The following FBXW11 variants were observed in gnomAD, a reference collection of about 807,000 sequenced individuals.
FBXW11 encodes the protein F-box and WD repeat domain containing 11, also known as F-box/WD repeat-containing protein 11.
In FBXW11, 19 loss-of-function variants were observed where a neutral mutation model predicts 77.6. That is an observed-to-expected ratio of 0.24 (90% CI 0.17 to 0.36). The LOEUF (loss-of-function observed/expected upper bound fraction) is 0.36. FBXW11 is among the 10% of genes least tolerant of loss of function. FBXW11 has a pLI of 1.00. For synonymous variants in FBXW11, 235 were observed against 249.4 expected, an observed-to-expected ratio of 0.94 and a Z score of 0.54; for missense variants, 334 against 704.2, an observed-to-expected ratio of 0.47 and a Z score of 5.95.
intron 2 of FBXW11, among the ~76,000 whole-genome samples, chr5:171,918,762 G>C (rs1444726005): frequency 6.6e-6 from 1 of 152,190 alleles, no homozygotes; most frequent in Non-Finnish European, 1.5e-5. Flanking sequence ...TTGTGGGGCT[G>C]CTGTGTGCAT....
chr5:171,952,019 A>G (rs1294885181), intron 2 of FBXW11, among the ~76,000 whole-genome samples: 2 of 152,152 alleles, frequency 1.3e-5, no homozygotes, highest in Non-Finnish European at 2.9e-5. Context: ...TCTTCCTAAG[A>G]GCCCCATTAA....
chr5:171,967,877 TATATATACACACACACAC>T (rs1178959147), intron 1 of FBXW11, among the ~76,000 whole-genome samples: 59 of 58,628 alleles, frequency 1.0e-3, no homozygotes, highest in African/African-American at 2.8e-3. Flanking sequence ...TATATATATA[TATATATACACACACACAC>T]ACACACACAC....
intron 1 of FBXW11, among the ~76,000 whole-genome samples, chr5:171,986,106 T>A (rs75249103): frequency 0.067 from 10,245 of 152,222 alleles, 884 homozygotes; most frequent in African/African-American, 0.21. Context: ...TCATATGAAA[T>A]GTCCCAATTT....
Position 171,899,085 on chromosome 5 carries a change from G to A in FBXW11, c.633C>T (p.Tyr211=). Residue 211 remains tyrosine, a synonymous_variant, in exon 6 of 14, where the codon TAC becomes TAT. Transcript: ENST00000517395. ...GLSERRGWDQ[Y]LFKNRPTDGP... ...CATCTGTGGGTCTGTTTTTAAACAG[G>A]TACTGATCCCTGGCAAATAAAAACA... 6.3e-7 allele frequency: 1 copy of A among 1,596,412 alleles called. No homozygotes were observed. The highest frequency in any genetic ancestry group is 8.5e-7 in the Non-Finnish European group (1 of 1,173,968).
At chr5:171,984,199 G>C (rs1765307420) in intron 1 of FBXW11, among the ~76,000 whole-genome samples, 1 of 152,216 alleles carries the variant, frequency 6.6e-6, no homozygotes, top group Non-Finnish European at 1.5e-5. Flanking sequence ...AGGAAGCCTT[G>C]AAATGCTCTG....
intron 3 of FBXW11, among the ~76,000 whole-genome samples, chr5:171,913,828 C>CACACACACATACACACACACACACAT (rs1370055628): frequency 2.5e-5 from 3 of 117,968 alleles, no homozygotes; most frequent in African/African-American, 3.6e-5. Flanking sequence ...TACACACACA[C>CACACACACATACACACACACACACAT]ACACACACAC....
chr5:171,985,457 T>C (rs1765382826), intron 1 of FBXW11, among the ~76,000 whole-genome samples: 1 of 151,578 alleles, frequency 6.6e-6, no homozygotes, highest in Non-Finnish European at 1.5e-5. Flanking sequence ...ACCCAGTATC[T>C]AAAAAAAATT....
chr5:171,927,631 C>T (rs983004286), intron 2 of FBXW11, among the ~76,000 whole-genome samples: 4 of 152,176 alleles, frequency 2.6e-5, no homozygotes, highest in South Asian at 2.1e-4. Context: ...ACATGCTCTT[C>T]GGTTAACTGT....
chr5:171,894,045 T>C (rs1274246471), intron 6 of FBXW11, among the ~76,000 whole-genome samples: 3 of 152,066 alleles, frequency 2.0e-5, no homozygotes, highest in Non-Finnish European at 4.4e-5. Context: ...CTCTAAAATG[T>C]TTCCTAGAAG....
chr5:171,926,659 T>G (rs1761907502), intron 2 of FBXW11, among the ~76,000 whole-genome samples: 1 of 152,212 alleles, frequency 6.6e-6, no homozygotes, highest in Non-Finnish European at 1.5e-5. Context: ...GACGCTGCCA[T>G]GCTTCCTATA....
At chr5:171,901,865 T>C (rs1234972298) in intron 4 of FBXW11, among the ~76,000 whole-genome samples, 1 of 152,190 alleles carries the variant, frequency 6.6e-6, no homozygotes, top group East Asian at 1.9e-4. Context: ...ATTCTGATTT[T>C]TGTCACACCC....
At position 171,982,398 on chromosome 5, in the gene FBXW11, C is replaced by CACCA. The variant is rs1765197759; in HGVS notation, c.45+24056_45+24059dup. On this transcript the variant is annotated intron_variant, in intron 1 of 13. Transcript: ENST00000517395. Reference sequence around the variant, plus strand: ...AATTCTCCTGCCTCACTCAGCCTTCCACCAAGTAGCTGGGATTACAGGAAT... The same window carrying CACCA: ...AATTCTCCTGCCTCACTCAGCCTTCCACCAACCAAGTAGCTGGGATTACAGGAAT... Among the ~76,000 whole-genome samples the CACCA allele has an allele frequency of 4.0e-5, 6 of 151,864 alleles. No homozygotes were observed. In the East Asian group the frequency reaches 7.8e-4, roughly 20 times the overall value.
intron 2 of FBXW11, among the ~76,000 whole-genome samples, chr5:171,946,708 C>A (rs1409760117): frequency 6.6e-6 from 1 of 151,888 alleles, no homozygotes; most frequent in African/African-American, 2.4e-5. Context: ...TCCCTCTTCG[C>A]TCTATTTAAA....
chr5:171,975,763 C>T (rs1460385255), intron 1 of FBXW11, among the ~76,000 whole-genome samples: 1 of 152,120 alleles, frequency 6.6e-6, no homozygotes, highest in Non-Finnish European at 1.5e-5. Flanking sequence ...CTCCTCCCTC[C>T]TTATTTTGGC....
chr5:172,001,353 G>T (rs540013948), intron 1 of FBXW11, among the ~76,000 whole-genome samples: 1 of 152,296 alleles, frequency 6.6e-6, no homozygotes, highest in East Asian at 1.9e-4. Context: ...TGATTATTGT[G>T]AGAATTAGTA....
intron 4 of FBXW11, among the ~76,000 whole-genome samples, chr5:171,900,466 A>G (rs1005735599): frequency 3.3e-5 from 5 of 152,010 alleles, no homozygotes; most frequent in Non-Finnish European, 7.4e-5. Context: ...AAGGTAAAGA[A>G]CTCAAGATTT....
chr5:171,917,766 C>CTGTGTGTGTGTGTGTGTG (rs60601173), intron 2 of FBXW11, among the ~76,000 whole-genome samples: 204 of 147,576 alleles, frequency 1.4e-3, no homozygotes, highest in Middle Eastern at 3.5e-3. Context: ...TAGACTCACT[C>CTGTGTGTGTGTGTGTGTG]TGTGTGTGTG....
Position 172,006,559 on chromosome 5 carries a change from G to A in FBXW11, c.-57C>T. On this transcript the variant is annotated 5_prime_UTR_variant, in exon 1 of 14. Transcript: ENST00000517395. Reference sequence around the variant, plus strand: ...CGCGCAGCAGCGAACGGCCCGGGCGGAGGAGGCGACGGCGGAGGCGGCAGA... The same window carrying A: ...CGCGCAGCAGCGAACGGCCCGGGCGAAGGAGGCGACGGCGGAGGCGGCAGA... The A allele has an allele frequency of 6.9e-7, 1 of 1,456,808 alleles. No individual in the cohort carries two copies. Among genetic ancestry groups the A allele is most frequent in the South Asian group, 1.4e-5 (1 of 73,078 alleles). The allele number at this position is 1,456,808 out of a possible 1,614,324, so 90.2% of individuals were successfully genotyped here.
chr5:171,996,312 A>C (rs1766041630), intron 1 of FBXW11, among the ~76,000 whole-genome samples: 1 of 152,206 alleles, frequency 6.6e-6, no homozygotes, highest in African/African-American at 2.4e-5. Flanking sequence ...CCTAAACAAC[A>C]TATGTCTCTG....
Sources: allele counts gnomAD v4.1 joint callset (sites outside exome capture counted in the v4.1 genomes callset), GRCh38; gene constraint gnomAD v4.1.1; transcripts MANE v1.5; gene names NCBI Gene and HGNC (gene_info 2026-07-23, HGNC 2026-07-21).